The following PARG variants were observed in gnomAD, a reference collection of about 807,000 sequenced individuals.
PARG encodes the protein mitochondrial poly(ADP-ribose) glycohydrolase.
Under a neutral mutation model 113.0 loss-of-function variants are expected in PARG, and 35 were observed. That is an observed-to-expected ratio of 0.31 (90% CI 0.24 to 0.41). The LOEUF (loss-of-function observed/expected upper bound fraction) is 0.41, where lower values mean the gene tolerates loss of function less well. PARG is among the 10% of genes least tolerant of loss of function. PARG has a pLI of 1.00. For missense variants in PARG, 797 were observed against 1,169.4 expected (o/e 0.68, Z 4.64); for synonymous variants, 330 against 409.9 (o/e 0.81, Z 2.36).
At chr10:49,904,570 GAT>G (rs1848489506) in intron 7 of PARG, among the ~76,000 whole-genome samples, 1 of 151,664 alleles carries the variant, frequency 6.6e-6, no homozygotes, top group South Asian at 2.1e-4. Context: ...GGGAGTGGGG[GAT>G]ATATGAGAAA....
chr10:49,901,649 T>C (rs1406199886), intron 7 of PARG, among the ~76,000 whole-genome samples: 1 of 152,052 alleles, frequency 6.6e-6, no homozygotes, highest in African/African-American at 2.4e-5. Flanking sequence ...AAGCGCACTC[T>C]TTGGAGAAAG....
At chr10:49,899,021 A>T (rs1848230928) in intron 7 of PARG, among the ~76,000 whole-genome samples, 1 of 152,246 alleles carries the variant, frequency 6.6e-6, no homozygotes, top group African/African-American at 2.4e-5. Context: ...TGGTGTTCAT[A>T]TGTAAAACCG....
At chr10:49,937,876 A>G (rs2133002434) in intron 1 of PARG, among the ~76,000 whole-genome samples, 1 of 152,304 alleles carries the variant, frequency 6.6e-6, no homozygotes, top group African/African-American at 2.4e-5. Flanking sequence ...GGCCTCAGAG[A>G]AAGGACTGCT....
At chr10:49,908,840 A>G (rs1837004005) in intron 7 of PARG, among the ~76,000 whole-genome samples, 2 of 152,196 alleles carry the variant, frequency 1.3e-5, no homozygotes, top group African/African-American at 4.8e-5. Flanking sequence ...TCCTTCAGTT[A>G]CTGAATAACG....
chr10:49,922,543 T>G lies in PARG; in HGVS notation c.1578+4A>C. On this transcript the variant is annotated splice_donor_region_variant and intron_variant, in intron 5 of 17. Coordinates refer to ENST00000616448, the MANE Select transcript of PARG (RefSeq NM_003631.5). ...GACTAAAAGAATCTCGGTTTTGTTC[T>G]TACCTCATCTTCCACTGGGTACAAA... 3.1e-6 allele frequency: 5 copies of G among 1,611,448 alleles called. No homozygotes were observed. Among genetic ancestry groups the G allele is most frequent in the Non-Finnish European group, 4.2e-6 (5 of 1,179,620 alleles).
chr10:49,937,304 G>A (rs1838796422), intron 1 of PARG, among the ~76,000 whole-genome samples: 1 of 152,094 alleles, frequency 6.6e-6, no homozygotes, highest in African/African-American at 2.4e-5. Flanking sequence ...GTGAAACCCC[G>A]TCTCTACTAA....
At chr10:49,846,028 T>C (rs1554833258) in intron 13 of PARG, among the ~76,000 whole-genome samples, 3 of 151,320 alleles carry the variant, frequency 2.0e-5, no homozygotes, top group Admixed American at 6.6e-5. Flanking sequence ...GGCTGTAGCC[T>C]AGCTAAGTTG....
At chr10:49,831,540 G>A (rs531247382) in intron 16 of PARG, among the ~76,000 whole-genome samples, 6 of 152,270 alleles carry the variant, frequency 3.9e-5, no homozygotes, top group African/African-American at 1.4e-4. Flanking sequence ...TTGCACATCC[G>A]GGAGTCAGGG....
chr10:49,888,705 T>G (rs1357518475), intron 7 of PARG, among the ~76,000 whole-genome samples: 3 of 152,208 alleles, frequency 2.0e-5, no homozygotes, highest in Admixed American at 1.3e-4. Context: ...ATGAATTTCT[T>G]TGGGTTTATC....
chr10:49,828,092 C>CAAA (rs71026274), intron 16 of PARG, among the ~76,000 whole-genome samples: 2,698 of 50,526 alleles, frequency 0.053, 1,009 homozygotes, highest in Non-Finnish European at 0.069. Context: ...AAAGCTTAAA[C>CAAA]AAAAAAAAAA....
At chr10:49,837,303 G>A (rs949615468) in intron 15 of PARG, among the ~76,000 whole-genome samples, 1 of 151,804 alleles carries the variant, frequency 6.6e-6, no homozygotes, top group Admixed American at 6.6e-5. Flanking sequence ...GATCCATACT[G>A]AATTCTGACG....
intron 7 of PARG, among the ~76,000 whole-genome samples, chr10:49,888,582 C>T (rs569140014): frequency 2.0e-4 from 31 of 151,832 alleles, no homozygotes; most frequent in African/African-American, 6.6e-4. Context: ...CTGAGAGATC[C>T]GTTGTCATTC....
At chr10:49,914,472 A>C (rs1251612013) in intron 7 of PARG, among the ~76,000 whole-genome samples, 2 of 152,218 alleles carry the variant, frequency 1.3e-5, no homozygotes, top group Admixed American at 1.3e-4. Flanking sequence ...ATGGGTCAAA[A>C]GCTCAATAAG....
At chr10:49,832,671 T>C (rs1456306166) in intron 16 of PARG, 132 bp downstream of exon 16, 1 of 543,130 alleles carries the variant, frequency 1.8e-6, no homozygotes, top group African/African-American at 2.0e-5. Flanking sequence ...AAAAAGAAAA[T>C]AGTGTTAAAT....
chr10:49,885,836 C>T (rs1249394997), intron 7 of PARG, among the ~76,000 whole-genome samples: 2 of 152,172 alleles, frequency 1.3e-5, no homozygotes, highest in Non-Finnish European at 2.9e-5. Flanking sequence ...CTTTTCCAGA[C>T]ACCCTTGGGA....
intron 6 of PARG, among the ~76,000 whole-genome samples, chr10:49,921,425 T>G (rs1837864480): frequency 6.6e-6 from 1 of 152,174 alleles, no homozygotes; most frequent in Non-Finnish European, 1.5e-5. Context: ...GCTTTTCTTT[T>G]CTTTTTTTAA....
intron 13 of PARG, among the ~76,000 whole-genome samples, chr10:49,846,928 A>G (rs1362586277): frequency 1.7e-4 from 26 of 151,922 alleles, no homozygotes; most frequent in Middle Eastern, 6.8e-3. Flanking sequence ...AGATGCTCAA[A>G]GAAGAAAGTG....
At chr10:49,869,995 A>G (rs1846715245) in intron 9 of PARG, among the ~76,000 whole-genome samples, 1 of 152,132 alleles carries the variant, frequency 6.6e-6, no homozygotes, top group Non-Finnish European at 1.5e-5. Context: ...ATGAGAGTGG[A>G]GGGGAATGGG....
chr10:49,857,004 T>C (rs1846025674), intron 13 of PARG, among the ~76,000 whole-genome samples: 1 of 103,632 alleles, frequency 9.6e-6, no homozygotes, highest in African/African-American at 4.0e-5. Flanking sequence ...AGCAAACCTC[T>C]GTCTCAAAAA....
Sources: allele counts gnomAD v4.1 joint callset (sites outside exome capture counted in the v4.1 genomes callset), GRCh38; gene constraint gnomAD v4.1.1; transcripts MANE v1.5; gene names NCBI Gene and HGNC (gene_info 2026-07-23, HGNC 2026-07-21).